The following GRK1 variants were observed in gnomAD, a reference collection of about 807,000 sequenced individuals.
GRK1 encodes the protein G protein-coupled receptor kinase 1.
GRK1 carries 28 observed loss-of-function variants against 41.7 expected under a neutral mutation model. That is an observed-to-expected ratio of 0.67 (90% confidence interval 0.50 to 0.92). The LOEUF (loss-of-function observed/expected upper bound fraction) is 0.92, where lower values mean the gene tolerates loss of function less well. Ranked by LOEUF, GRK1 falls within the 40% of genes least tolerant of loss-of-function variation. The pLI, the probability that GRK1 is intolerant of heterozygous loss-of-function variation, is 0.00. For synonymous variants in GRK1, 327 were observed against 286.7 expected (o/e 1.14, Z -1.42); for missense variants, 703 against 671.2 (o/e 1.05, Z -0.52).
At chr13:113,655,065 C>T in the GRK1 span, 1 of 1,347,366 alleles carries the variant, frequency 7.4e-7, no homozygotes, top group Admixed American at 2.2e-5. Flanking sequence ...AGAACATTCT[C>T]CTCCCCCAAA....
chr13:113,653,592 C>T, the GRK1 span, among the ~76,000 whole-genome samples: 3 of 152,252 alleles, frequency 2.0e-5, no homozygotes, highest in African/African-American at 7.2e-5. Context: ...ACCCCCAGGA[C>T]AGCACAGTCA....
the GRK1 span, among the ~76,000 whole-genome samples, chr13:113,661,186 A>G: frequency 8.5e-5 from 13 of 152,186 alleles, no homozygotes; most frequent in African/African-American, 3.1e-4. Context: ...TTAGATATTA[A>G]TAACAAAGAT....
At chr13:113,724,326 G>A (rs1480767825) in intron 4 of GRK1, among the ~76,000 whole-genome samples, 1 of 152,182 alleles carries the variant, frequency 6.6e-6, no homozygotes, top group East Asian at 1.9e-4. Flanking sequence ...TCTCTCCTCC[G>A]CAGTCTTGAG....
At chr13:113,658,041 G>C in the GRK1 span, 1 of 1,601,680 alleles carries the variant, frequency 6.2e-7, no homozygotes, top group Non-Finnish European at 8.5e-7. Context: ...ACCCCACCGG[G>C]ACAGGGTGCG....
intron 6 of GRK1, among the ~76,000 whole-genome samples, chr13:113,733,495 GTGTA>G (rs1250209983): frequency 3.0e-4 from 46 of 151,042 alleles, no homozygotes; most frequent in Non-Finnish European, 5.3e-4. Context: ...GCGCGCGTGT[GTGTA>G]TGTGTGTGCA....
chr13:113,653,329 A>G, the GRK1 span: 1 of 1,611,040 alleles, frequency 6.2e-7, no homozygotes, highest in Non-Finnish European at 8.5e-7. Flanking sequence ...ACCTGCTAGG[A>G]AGGCGTGGAG....
the GRK1 span, among the ~76,000 whole-genome samples, chr13:113,656,762 C>T: frequency 6.6e-6 from 1 of 152,282 alleles, no homozygotes; most frequent in South Asian, 2.1e-4. Flanking sequence ...GCCATGTCTA[C>T]CGGCCAGGCA....
At chr13:113,727,090 C>T (rs992905560) in intron 4 of GRK1, among the ~76,000 whole-genome samples, 42 of 152,248 alleles carry the variant, frequency 2.8e-4, no homozygotes, top group African/African-American at 8.2e-4. Flanking sequence ...CCGGGTTGGC[C>T]TCACTTGGGT....
the GRK1 span, among the ~76,000 whole-genome samples, chr13:113,652,138 C>T: frequency 6.6e-6 from 1 of 152,222 alleles, no homozygotes; most frequent in African/African-American, 2.4e-5. Flanking sequence ...CAGCCCCCTT[C>T]CCCACACCTC....
At chr13:113,729,339 T>C (rs2049916900) in intron 4 of GRK1, among the ~76,000 whole-genome samples, 1 of 152,198 alleles carries the variant, frequency 6.6e-6, no homozygotes, top group African/African-American at 2.4e-5. Flanking sequence ...GTGGAAAGTG[T>C]GTTTTGAATT....
At chr13:113,734,396 T>G (rs2049987506) in intron 6 of GRK1, 1 of 152,252 alleles carries the variant, frequency 6.6e-6, no homozygotes, top group African/African-American at 2.4e-5. Flanking sequence ...ACAGAAGGGT[T>G]TGAGCCCAGA....
At chr13:113,649,212 T>C in the GRK1 span, 1 of 690,550 alleles carries the variant, frequency 1.4e-6, no homozygotes. This position sits in a 1 kb window ranked among gnomAD's most constrained non-coding sequence, Gnocchi z 4.7. Flanking sequence ...AGCAGGTCCT[T>C]CAGATGTGGG....
Position 113,735,350 on chromosome 13 carries a change from G to A in GRK1, c.1679G>A (p.Cys560Tyr), listed in dbSNP as rs2049996004. ...AGCTCCTCGTCCAAGTCAGGGATGTGTCTGGTTTCCTAGGTGACGCCCCAG... is the reference window on the plus strand; with the variant it reads ...AGCTCCTCGTCCAAGTCAGGGATGTATCTGGTTTCCTAGGTGACGCCCCAG... ...GSSSSSKSGM[C>Y]LVS Residue 560 changes from cysteine to tyrosine, a missense_variant, in exon 7 of 7, where the codon TGT becomes TAT. By Grantham distance (194) the Cys-to-Tyr change is radical. Transcript: ENST00000335678. 6.6e-7 allele frequency: 1 copy of A among 1,506,042 alleles called. No individual in the cohort carries two copies. The highest frequency in any genetic ancestry group is 8.9e-7 in the Non-Finnish European group (1 of 1,128,418). 93.3% of individuals were successfully genotyped at this position (1,506,042 alleles called of 1,614,324 possible).
At chr13:113,655,092 CACAA>C in the GRK1 span, 64 of 1,099,002 alleles carry the variant, frequency 5.8e-5, no homozygotes, top group Middle Eastern at 6.0e-4. Flanking sequence ...ACCCCGTCCC[CACAA>C]ACAGTCACTA....
rs777094000 is a variant in GRK1 at position 113,731,288 on chromosome 13, T to A, written c.1139T>A (p.Val380Asp). 67 of 1,536,438 alleles carry A rather than the reference T, an allele frequency of 4.4e-5. No individual in the cohort carries two copies. The highest frequency in any genetic ancestry group is 5.8e-5 in the Non-Finnish European group (66 of 1,146,750). The change falls in exon 5 of 7, where the codon GTC (valine) becomes GAC (aspartate). Residue 380 changes from valine (V) to aspartate (D), a missense_variant. Physicochemically the swap from Val to Asp is radical, Grantham distance 152. Transcript: ENST00000335678. The surrounding 1 kb of genome is among the most constrained non-coding windows in gnomAD (Gnocchi z 5.6). The part of the protein sequence containing the change: ...DFSVDYFALG[V>D]TLYEMIAARG... ...TCCGTGGACTACTTTGCCCTGGGGGTCACCCTGTATGAGATGATTGCGGCC... is the reference window on the plus strand; with the variant it reads ...TCCGTGGACTACTTTGCCCTGGGGGACACCCTGTATGAGATGATTGCGGCC...
At chr13:113,648,372 G>A in the GRK1 span, among the ~76,000 whole-genome samples, 1 of 152,334 alleles carries the variant, frequency 6.6e-6, no homozygotes, top group East Asian at 1.9e-4. Flanking sequence ...AGTCGCTTGT[G>A]CTTGGGGCCC....
At chr13:113,672,462 GCGTA>G (rs2049864243) in intron 3 of GRK1, among the ~76,000 whole-genome samples, 1 of 151,646 alleles carries the variant, frequency 6.6e-6, no homozygotes, top group African/African-American at 2.4e-5. Context: ...ATTGTGTGTG[GCGTA>G]TGTGTGTGGT....
intron 6 of GRK1, among the ~76,000 whole-genome samples, chr13:113,734,290 G>A (rs144052103): frequency 0.13 from 20,439 of 152,246 alleles, 1,540 homozygotes; most frequent in Middle Eastern, 0.23. Flanking sequence ...CAGGCCCAGC[G>A]AGGCAAGGAT....
At chr13:113,649,081 T>G in the GRK1 span, 1 of 261,746 alleles carries the variant, frequency 3.8e-6, no homozygotes. The surrounding 1 kb of genome is among the most constrained non-coding windows in gnomAD (Gnocchi z 4.7). Flanking sequence ...ACGAATCGTT[T>G]TTATGACCTG....
Sources: allele counts gnomAD v4.1 joint callset (sites outside exome capture counted in the v4.1 genomes callset), GRCh38; gene constraint gnomAD v4.1.1; non-coding constraint Gnocchi (gnomAD v3.1); transcripts MANE v1.5; gene names NCBI Gene and HGNC (gene_info 2026-07-23, HGNC 2026-07-21).